The following SLC5A10 variants were observed in gnomAD, a reference collection of about 807,000 sequenced individuals.
The protein encoded by SLC5A10 is solute carrier family 5 member 10, also known as sodium/mannose cotransporter SLC5A10.
Under a neutral mutation model 68.9 loss-of-function variants are expected in SLC5A10, and 55 were observed. The observed-to-expected ratio is 0.80, with a 90% CI of 0.64 to 1.00. The LOEUF (loss-of-function observed/expected upper bound fraction) is 1.00. Among genes scored for constraint, SLC5A10 ranks in the 50% least tolerant of loss-of-function variants. SLC5A10 has a pLI of 0.00. For missense variants in SLC5A10, 732 were observed against 819.3 expected, an observed-to-expected ratio of 0.89 and a Z score of 1.30; for synonymous variants, 344 against 344.8, an observed-to-expected ratio of 1.00 and a Z score of 0.02.
At chr17:18,953,667 T>C (rs1187437119) in intron 1 of SLC5A10, 2 of 152,642 alleles carry the variant, frequency 1.3e-5, no homozygotes, top group Admixed American at 6.5e-5. Context: ...GTAGCAGTGG[T>C]GATTATAAGA....
rs2043810711 is a variant in SLC5A10, at chr17:19,004,067, C to T, written c.983-9343C>T. ...GGCGCCGCCTGCCCGGGCACTGCTG[C>T]CGGGGGTGGGTGGGCAAGGTCCAGC... On this transcript the variant is annotated intron_variant, in intron 9 of 14. Transcript: ENST00000395645. The surrounding 1 kb of genome is among the most constrained non-coding windows in gnomAD (Gnocchi z 5.4). 1 of 1,558,348 alleles carries T rather than the reference C, an allele frequency of 6.4e-7. No homozygotes were observed. Among genetic ancestry groups the T allele is most frequent in the Non-Finnish European group, 8.7e-7 (1 of 1,151,568 alleles).
intron 9 of SLC5A10, among the ~76,000 whole-genome samples, chr17:19,002,783 C>T (rs958029594): frequency 2.6e-5 from 4 of 152,148 alleles, no homozygotes; most frequent in African/African-American, 9.7e-5. Context: ...CCAAGAATGG[C>T]CCCCCACAGC....
Position 19,020,548 on chromosome 17 carries a change from C to A in SLC5A10, c.*117C>A. ...TTCCCCTCACAGCTGCACAGCAGCT[C>A]GGTGCCCAAGAACTGGCCAAGCCAG... On this transcript the variant is annotated 3_prime_UTR_variant, in exon 15 of 15. Transcript: ENST00000395645. 8.3e-6 allele frequency: 8 copies of A among 961,646 alleles called. No individual in the cohort carries two copies. Among genetic ancestry groups the A allele is most frequent in the Non-Finnish European group, 1.1e-5 (7 of 649,192 alleles). 59.6% of individuals were successfully genotyped at this position (961,646 alleles called of 1,614,324 possible).
chr17:18,953,175 A>C (rs1597806316), intron 1 of SLC5A10, among the ~76,000 whole-genome samples: 1 of 129,872 alleles, frequency 7.7e-6, no homozygotes, highest in African/African-American at 2.9e-5. Context: ...TAGCACTGTC[A>C]CCTGGGCTGG....
rs138086619 is a variant in SLC5A10 at position 18,989,384 on chromosome 17, C to T, written c.982+12395C>T. 4.3e-3 allele frequency among the ~76,000 whole-genome samples: 648 copies of T among 152,328 alleles called. 6 individuals carry two copies. The highest frequency in any genetic ancestry group is 0.014 in the African/African-American group (594 of 41,576). ...GGAGCCTGCTGGGGATGTGTCTGCACGCCCCAAAGTGAGCTCACCAGGCTG... is the reference window on the plus strand; with the variant it reads ...GGAGCCTGCTGGGGATGTGTCTGCATGCCCCAAAGTGAGCTCACCAGGCTG... On this transcript the variant is annotated intron_variant, in intron 9 of 14. Coordinates refer to ENST00000395645, the MANE Select transcript of SLC5A10 (RefSeq NM_001042450.4).
chr17:18,976,687 TG>T, intron 8 of SLC5A10, 166 bp from the exon 9 acceptor site: 2 of 858,152 alleles, frequency 2.3e-6, no homozygotes, highest in Non-Finnish European at 3.5e-6. Context: ...GCTCTCCTGG[TG>T]GGACCCTGAC....
intron 1 of SLC5A10, among the ~76,000 whole-genome samples, chr17:18,957,054 C>T (rs146031949): frequency 8.5e-5 from 13 of 152,218 alleles, no homozygotes; most frequent in African/African-American, 3.1e-4. Flanking sequence ...GAGGCTGAGG[C>T]AGGAGAACCG....
At chr17:19,006,358 C>G (rs1248562131) in intron 9 of SLC5A10, among the ~76,000 whole-genome samples, 1 of 151,880 alleles carries the variant, frequency 6.6e-6, no homozygotes, top group Non-Finnish European at 1.5e-5. Context: ...GTAGCTGGGA[C>G]CAGAGACACC....
chr17:18,978,893 C>A, intron 9 of SLC5A10: 1 of 1,597,320 alleles, frequency 6.3e-7, no homozygotes, highest in South Asian at 1.1e-5. Flanking sequence ...CATGACCCTG[C>A]TTCCTCCGCC....
intron 1 of SLC5A10, among the ~76,000 whole-genome samples, chr17:18,953,128 CT>C (rs34638037): frequency 0.096 from 12,002 of 125,120 alleles, 744 homozygotes; most frequent in East Asian, 0.37. Flanking sequence ...AGTACCCCTT[CT>C]TTTTTTTTTT....
chr17:18,956,965 A>G (rs993089336), intron 1 of SLC5A10, among the ~76,000 whole-genome samples: 16 of 152,272 alleles, frequency 1.1e-4, no homozygotes, highest in African/African-American at 3.8e-4. Flanking sequence ...CCTGGCCAAC[A>G]TAGTGAAACC....
intron 14 of SLC5A10, 45 bp downstream of exon 14, chr17:19,020,257 G>A: frequency 6.2e-7 from 1 of 1,611,854 alleles, no homozygotes; most frequent in Non-Finnish European, 8.5e-7. Context: ...ACCCTGGCCT[G>A]GAGGCAAGGG....
At chr17:18,987,808 G>A (rs2043308675) in intron 9 of SLC5A10, among the ~76,000 whole-genome samples, 1 of 152,178 alleles carries the variant, frequency 6.6e-6, no homozygotes, top group Non-Finnish European at 1.5e-5. Context: ...CCAGTAAATG[G>A]AATTCTAAGG....
Position 19,003,012 on chromosome 17 carries a change from C to T in SLC5A10, c.983-10398C>T, listed in dbSNP as rs1036740544. Among the ~76,000 whole-genome samples, 4 of 152,164 alleles carry T rather than the reference C, an allele frequency of 2.6e-5. No homozygotes were observed. Among genetic ancestry groups the T allele is most frequent in the African/African-American group, 9.7e-5 (4 of 41,422 alleles). ...TCAGAGAGGGTGTGCAATCTGCTCC[C>T]AGTTGCTCAGCACAGCTAGGAAACA... On this transcript the variant is annotated intron_variant, in intron 9 of 14. Coordinates refer to ENST00000395645, the MANE Select transcript of SLC5A10 (RefSeq NM_001042450.4). This position sits in a 1 kb window ranked among gnomAD's most constrained non-coding sequence, Gnocchi z 4.5.
Position 19,000,255 on chromosome 17 carries a change from G to C in SLC5A10, c.983-13155G>C, listed in dbSNP as rs1238061747. On this transcript the variant is annotated intron_variant, in intron 9 of 14. Transcript: ENST00000395645. This position sits in a 1 kb window ranked among gnomAD's most constrained non-coding sequence, Gnocchi z 5.2. ...GGCTGGAGGGCACAAGCTGCTGAGAGTGAGACCTGGGACCCACCCGCCTCT... is the reference window on the plus strand; with the variant it reads ...GGCTGGAGGGCACAAGCTGCTGAGACTGAGACCTGGGACCCACCCGCCTCT... Among the ~76,000 whole-genome samples the C allele has an allele frequency of 1.3e-5, 2 of 152,194 alleles. No individual in the cohort carries two copies. The highest frequency in any genetic ancestry group is 4.8e-5 in the African/African-American group (2 of 41,440).
chr17:18,965,463 G>C (rs1378474852), intron 5 of SLC5A10, among the ~76,000 whole-genome samples: 1 of 152,224 alleles, frequency 6.6e-6, no homozygotes, highest in East Asian at 1.9e-4. Context: ...AGGTGGCTGA[G>C]AGCGGGCAGG....
At position 18,958,700 on chromosome 17, in the gene SLC5A10, A is replaced by T. The variant is rs780756750; in HGVS notation, c.130A>T (p.Arg44Trp). 2.5e-6 allele frequency: 4 copies of T among 1,614,060 alleles called. No homozygotes were observed. Among genetic ancestry groups the T allele is most frequent in the Non-Finnish European group, 3.4e-6 (4 of 1,180,024 alleles). Residue 44 changes from arginine to tryptophan, a missense_variant, in exon 2 of 15, where the codon AGG becomes TGG. Coordinates refer to ENST00000395645, the MANE Select transcript of SLC5A10 (RefSeq NM_001042450.4). ...CTTGCAGTCCTCTTGTCGGGCCAGT[A>T]GGAACACGGTGAATGGCTACTTCCT... The part of the protein sequence containing the change: ...VGIWSSCRAS[R>W]NTVNGYFLAG...
chr17:18,977,695 C>A, intron 9 of SLC5A10: 1 of 1,610,606 alleles, frequency 6.2e-7, no homozygotes, highest in Non-Finnish European at 8.5e-7. Context: ...CAACAAAGGT[C>A]CCTCGGGTTA....
At chr17:19,007,363 A>T (rs12453523) in intron 9 of SLC5A10, among the ~76,000 whole-genome samples, 11,675 of 152,000 alleles carry the variant, frequency 0.077, 1,270 homozygotes, top group African/African-American at 0.23. Context: ...CATTTTCTAA[A>T]TGGATTGTCT....
Sources: gnomAD v4.1 joint callset for allele counts (sites outside exome capture counted in the v4.1 genomes callset) on GRCh38, gnomAD v4.1.1 for gene constraint, Gnocchi (gnomAD v3.1) non-coding constraint, MANE v1.5 for transcripts, NCBI Gene and HGNC (gene_info 2026-07-23, HGNC 2026-07-21) for gene names.